The following LYST variants were observed in gnomAD, a reference collection of about 807,000 sequenced individuals.
LYST encodes lysosomal trafficking regulator.
Under a neutral mutation model 413.6 loss-of-function variants are expected in LYST, and 192 were observed. That is an observed-to-expected ratio of 0.46 (90% CI 0.41 to 0.52). The LOEUF (loss-of-function observed/expected upper bound fraction) is 0.52, where lower values mean the gene tolerates loss of function less well. Ranked by LOEUF, LYST falls within the 20% of genes least tolerant of loss-of-function variation. The probability of loss-of-function intolerance (pLI) is 0.00; values close to 1 mark genes in which losing one functional copy is unlikely to be tolerated. For missense variants in LYST, 3,815 were observed against 4,499.9 expected (o/e 0.85, Z 4.35); for synonymous variants, 1,525 against 1,567.3 (o/e 0.97, Z 0.64).
In LYST at chr1:235,810,244, A is replaced by G; in HGVS notation, c.574T>C (p.Leu192=). The change falls in exon 5 of 53, where the codon TTA becomes CTA. Residue 192 remains leucine (L), a synonymous_variant. Transcript: ENST00000389793. ...HRRPHLLHHF[L]TSFPKQDHPK... is the part of the protein sequence containing the mutation. Reference sequence around the variant, plus strand: ...TGGTCTTGTTTAGGAAACGATGTTAAAAAATGATGCAGCAGATGGGGCCTT... The same window carrying G: ...TGGTCTTGTTTAGGAAACGATGTTAGAAAATGATGCAGCAGATGGGGCCTT... 5 of 1,614,084 alleles carry G rather than the reference A, an allele frequency of 3.1e-6. No homozygotes were observed. The highest frequency in any genetic ancestry group is 3.4e-6 in the Non-Finnish European group (4 of 1,179,996).
chr1:235,741,371 T>G, intron 31 of LYST, 51 bp downstream of exon 31: 3 of 1,399,664 alleles, frequency 2.1e-6, no homozygotes, highest in Non-Finnish European at 3.0e-6. Flanking sequence ...TTATTCAGAC[T>G]TTGTATTTCA....
intron 20 of LYST, among the ~76,000 whole-genome samples, chr1:235,767,145 T>C (rs962545529): frequency 6.6e-6 from 1 of 152,088 alleles, no homozygotes; most frequent in Non-Finnish European, 1.5e-5. Context: ...ATAAATAAAT[T>C]GCTTATATCC....
chr1:235,801,753 T>C (rs1273807743), intron 8 of LYST, among the ~76,000 whole-genome samples: 2 of 152,168 alleles, frequency 1.3e-5, no homozygotes, highest in Non-Finnish European at 2.9e-5. Context: ...AGCTGTACTA[T>C]AAAAAAATTA....
At chr1:235,864,283 A>T (rs1680234909) in intron 1 of LYST, among the ~76,000 whole-genome samples, 1 of 152,152 alleles carries the variant, frequency 6.6e-6, no homozygotes, top group Admixed American at 6.5e-5. Context: ...GTATCATTGA[A>T]TATTTTTTTC....
intron 31 of LYST, 49 bp downstream of exon 31, chr1:235,741,373 T>G (rs1222903033): frequency 7.1e-7 from 1 of 1,405,074 alleles, no homozygotes; most frequent in Non-Finnish European, 1.0e-6. Flanking sequence ...ATTCAGACTT[T>G]GTATTTCACC....
Position 235,675,302 on chromosome 1 carries a change from G to A in LYST, c.11038+1789C>T, listed in dbSNP as rs961989605. On this transcript the variant is annotated intron_variant, in intron 50 of 52. Coordinates refer to ENST00000389793, the MANE Select transcript of LYST (RefSeq NM_000081.4). Reference sequence around the variant, plus strand: ...AACAGTCTCTTCCTCCCCTCCTCTCGCAAACTGCATGTTTATCATAGTTAG... The same window carrying A: ...AACAGTCTCTTCCTCCCCTCCTCTCACAAACTGCATGTTTATCATAGTTAG... Among the ~76,000 whole-genome samples, 12 of 152,086 alleles carry A rather than the reference G, an allele frequency of 7.9e-5. No homozygotes were observed. In the East Asian group the frequency reaches 9.7e-4, roughly 12 times the overall value.
chr1:235,669,520 C>T (rs1221029385), intron 50 of LYST, among the ~76,000 whole-genome samples: 3 of 152,192 alleles, frequency 2.0e-5, no homozygotes, highest in Non-Finnish European at 2.9e-5. Context: ...CCTTAGCCTA[C>T]GATTGGTTGC....
chr1:235,693,264 C>T (rs1170065716), intron 47 of LYST, 86 bp downstream of exon 47: 2 of 1,022,818 alleles, frequency 2.0e-6, no homozygotes, highest in African/African-American at 3.2e-5. Context: ...TGCAGTGAGC[C>T]AAGATGTGTC....
chr1:235,714,562 A>T (rs567879945), intron 42 of LYST, among the ~76,000 whole-genome samples: 1 of 152,340 alleles, frequency 6.6e-6, no homozygotes, highest in East Asian at 1.9e-4. Context: ...TCCTCAAAGT[A>T]TTCTGGATTC....
rs1668242010 is a variant in LYST, at chr1:235,767,319, T to G, written c.5923-1042A>C. Reference sequence around the variant, plus strand: ...ATTGGAGTACTTAAAATGTAGATGTTAATTTTGAAACAATTTAGTTCGACT... The same window carrying G: ...ATTGGAGTACTTAAAATGTAGATGTGAATTTTGAAACAATTTAGTTCGACT... On this transcript the variant is annotated intron_variant, in intron 20 of 52. Coordinates refer to ENST00000389793, the MANE Select transcript of LYST (RefSeq NM_000081.4). Among the ~76,000 whole-genome samples the G allele has an allele frequency of 6.6e-5, 10 of 152,226 alleles. No individual in the cohort carries two copies. The South Asian group carries it at 1.9e-3, about 28-fold the overall frequency.
intron 3 of LYST, among the ~76,000 whole-genome samples, chr1:235,822,027 G>A (rs867144342): frequency 2.0e-5 from 3 of 152,184 alleles, no homozygotes; most frequent in African/African-American, 7.2e-5. Flanking sequence ...GAGGCATAGA[G>A]TGAACCCCAC....
At chr1:235,776,103 G>A (rs557981388) in intron 17 of LYST, among the ~76,000 whole-genome samples, 183 of 152,112 alleles carry the variant, frequency 1.2e-3, no homozygotes, top group African/African-American at 4.3e-3. Flanking sequence ...GAAACTATAC[G>A]ATGGTACAAA....
intron 2 of LYST, among the ~76,000 whole-genome samples, chr1:235,831,933 A>G (rs2103005201): frequency 6.6e-6 from 1 of 152,350 alleles, no homozygotes; most frequent in Non-Finnish European, 1.5e-5. Context: ...CACCACTAAA[A>G]AAGAATTAAA....
intron 46 of LYST, among the ~76,000 whole-genome samples, chr1:235,693,908 C>A (rs1158221640): frequency 6.6e-6 from 1 of 152,038 alleles, no homozygotes; most frequent in African/African-American, 2.4e-5. Flanking sequence ...AGAGTGGAAG[C>A]AACACCTAGC....
At chr1:235,780,641 A>G (rs1669770615) in intron 16 of LYST, among the ~76,000 whole-genome samples, 1 of 152,002 alleles carries the variant, frequency 6.6e-6, no homozygotes, top group East Asian at 1.9e-4. Flanking sequence ...TTTTATAGAA[A>G]TATAATTTCA....
intron 46 of LYST, among the ~76,000 whole-genome samples, chr1:235,695,497 AG>A (rs1320687095): frequency 1.3e-5 from 2 of 152,226 alleles, no homozygotes; most frequent in Non-Finnish European, 2.9e-5. Context: ...GGGCACACTA[AG>A]GGTTCATGAC....
chr1:235,721,091 G>A (rs1280455110), intron 39 of LYST, among the ~76,000 whole-genome samples, 186 bp from the exon 40 acceptor site: 4 of 151,958 alleles, frequency 2.6e-5, no homozygotes, highest in Non-Finnish European at 5.9e-5. Context: ...CCAGAGGCTG[G>A]GCTCTTCACC....
At chr1:235,862,304 G>A (rs1418092811) in intron 1 of LYST, among the ~76,000 whole-genome samples, 4 of 151,944 alleles carry the variant, frequency 2.6e-5, no homozygotes, top group South Asian at 2.1e-4. Flanking sequence ...CCCTTTATCC[G>A]CAGATTCATT....
rs562418362 is a variant in LYST, at chr1:235,744,136, T to C, written c.7994A>G (p.Asp2665Gly). 2.5e-5 allele frequency: 39 copies of C among 1,587,298 alleles called. No individual in the cohort carries two copies. The East Asian group carries it at 5.4e-4, about 22-fold the overall frequency. ...IYQEFNSDII[D>G]ILRTPENVTQ... ...TACATTTTCTGGAGTTCTCAAAATG[T>C]CAATAATGTCTGAATTAAATTCTTT... The change falls in exon 30 of 53, where the codon GAC becomes GGC. Residue 2665 changes from aspartate to glycine, a missense_variant. By Grantham distance (94) the Asp-to-Gly change is moderately conservative. Transcript: ENST00000389793.
Sources: gnomAD v4.1 joint callset for allele counts (sites outside exome capture counted in the v4.1 genomes callset) on GRCh38, gnomAD v4.1.1 for gene constraint, MANE v1.5 for transcripts, NCBI Gene and HGNC (gene_info 2026-07-23, HGNC 2026-07-21) for gene names.